ROBO2: variants seen among roughly 807,000 people sequenced by gnomAD.
ROBO2 encodes roundabout homolog 2.
Under a neutral mutation model 160.8 loss-of-function variants are expected in ROBO2, and 53 were observed. The observed-to-expected ratio is 0.33, with a 90% confidence interval of 0.26 to 0.41. The LOEUF (loss-of-function observed/expected upper bound fraction) is 0.41. Among genes scored for constraint, ROBO2 ranks in the 10% least tolerant of loss-of-function variants. The probability of loss-of-function intolerance (pLI) is 1.00; values close to 1 mark genes in which losing one functional copy is unlikely to be tolerated. For missense variants in ROBO2, 1,577 were observed against 1,722.4 expected (o/e 0.92, Z 1.49); for synonymous variants, 664 against 611.7 (o/e 1.09, Z -1.26).
chr3:76,451,922 A>G (rs1044527829), intron 2 of ROBO2, among the ~76,000 whole-genome samples: 1 of 152,090 alleles, frequency 6.6e-6, no homozygotes, highest in Non-Finnish European at 1.5e-5. Flanking sequence ...TTGTCTTGAA[A>G]ACTCATATCT....
rs1210868980 is a variant in ROBO2, at chr3:76,078,877, C to T, written c.109+141275C>T. On this transcript the variant is annotated intron_variant, in intron 2 of 26. Coordinates refer to the ROBO2 transcript ENST00000487694. ...ACAGTGTACAAGTGTCCCCCTTTCT[C>T]CACATTCTCATCAACATTCATTGTT... Among the ~76,000 whole-genome samples the T allele has an allele frequency of 1.3e-5, 2 of 152,162 alleles. 1 individual carries two copies. The highest frequency in any genetic ancestry group is 4.1e-4 in the South Asian group (2 of 4,830).
chr3:76,437,526 T>G (rs2076738288), intron 2 of ROBO2, among the ~76,000 whole-genome samples: 4 of 152,188 alleles, frequency 2.6e-5, no homozygotes, highest in African/African-American at 4.8e-5. Flanking sequence ...AAATGTCACA[T>G]GTGAATTTTA....
intron 2 of ROBO2, among the ~76,000 whole-genome samples, chr3:75,938,403 G>A (rs916620661): frequency 6.6e-6 from 1 of 151,936 alleles, no homozygotes; most frequent in African/African-American, 2.4e-5. Context: ...GATACAAATT[G>A]CATTTCCGTA....
At chr3:77,365,388 T>G (rs376572618) in intron 2 of ROBO2, among the ~76,000 whole-genome samples, 6 of 152,050 alleles carry the variant, frequency 3.9e-5, no homozygotes, top group Non-Finnish European at 8.8e-5. Context: ...TGACAGCTAT[T>G]TTTTTGGGAG....
At chr3:76,663,787 C>G (rs1288365243) in intron 2 of ROBO2, among the ~76,000 whole-genome samples, 1 of 151,940 alleles carries the variant, frequency 6.6e-6, no homozygotes, top group Non-Finnish European at 1.5e-5. Context: ...TAGTCTAATC[C>G]CAGCTACTCG....
chr3:75,909,953 C>T (rs1946497146), intron 1 of ROBO2, among the ~76,000 whole-genome samples: 1 of 152,150 alleles, frequency 6.6e-6, no homozygotes, highest in African/African-American at 2.4e-5. Flanking sequence ...ACCTAGTCAA[C>T]TTCTAGTTAT....
chr3:76,804,081 A>C (rs545511183), intron 2 of ROBO2, among the ~76,000 whole-genome samples: 2 of 152,186 alleles, frequency 1.3e-5, no homozygotes, highest in Non-Finnish European at 2.9e-5. Context: ...CTGAGTTCCT[A>C]TCTTGTGTGG....
At chr3:77,175,038 T>G (rs1174011788) in intron 2 of ROBO2, among the ~76,000 whole-genome samples, 1 of 152,200 alleles carries the variant, frequency 6.6e-6, no homozygotes, top group South Asian at 2.1e-4. Context: ...GCACATAATC[T>G]TCCTAACAGT....
rs191509298 is a variant in ROBO2, at chr3:76,446,379, C to T, written c.109+508777C>T. 2.6e-3 allele frequency among the ~76,000 whole-genome samples: 396 copies of T among 152,140 alleles called. 3 individuals carry two copies. Among genetic ancestry groups the T allele is most frequent in the Non-Finnish European group, 4.7e-3 (320 of 67,992 alleles). ...AGGAGAACTACAAATCACTGCTCAA[C>T]GAAATAGAAGAGGACACAAACAAGT... On this transcript the variant is annotated intron_variant, in intron 2 of 26. Coordinates refer to the ROBO2 transcript ENST00000487694.
At chr3:76,706,396 A>G (rs2093164071) in intron 2 of ROBO2, among the ~76,000 whole-genome samples, 1 of 152,058 alleles carries the variant, frequency 6.6e-6, no homozygotes. Context: ...GCCACCCAAA[A>G]TTCAAAAGTG....
chr3:76,931,099 A>T (rs939983563), intron 2 of ROBO2, among the ~76,000 whole-genome samples: 1 of 152,208 alleles, frequency 6.6e-6, no homozygotes, highest in Non-Finnish European at 1.5e-5. Context: ...AGGACTGTAT[A>T]AAGGAACAAA....
intron 2 of ROBO2, among the ~76,000 whole-genome samples, chr3:76,598,172 C>A (rs1435215961): frequency 1.3e-5 from 2 of 151,598 alleles, no homozygotes; most frequent in Non-Finnish European, 2.9e-5. Flanking sequence ...AAGGCGAGCC[C>A]AAAAGGTTAC....
chr3:76,580,005 G>C (rs895713986), intron 2 of ROBO2, among the ~76,000 whole-genome samples: 1 of 152,020 alleles, frequency 6.6e-6, no homozygotes, highest in African/African-American at 2.4e-5. Flanking sequence ...TATACTCTTT[G>C]CTAGAGGCCA....
At chr3:76,440,076 AC>A (rs2076854604) in intron 2 of ROBO2, among the ~76,000 whole-genome samples, 1 of 152,196 alleles carries the variant, frequency 6.6e-6, no homozygotes, top group Non-Finnish European at 1.5e-5. Flanking sequence ...ACTCTGAACT[AC>A]CATGGATGAA....
chr3:76,153,121 C>A (rs1222338221), intron 2 of ROBO2, among the ~76,000 whole-genome samples: 1 of 151,970 alleles, frequency 6.6e-6, no homozygotes, highest in African/African-American at 2.4e-5. Context: ...CCCATGAAAA[C>A]CTAATTCAAG....
At chr3:76,917,228 T>A (rs1395515317) in intron 2 of ROBO2, among the ~76,000 whole-genome samples, 8 of 152,142 alleles carry the variant, frequency 5.3e-5, no homozygotes, top group Non-Finnish European at 1.2e-4. Context: ...GAAGAAAGTC[T>A]GGTAGTCTGT....
chr3:77,636,749 C>T (rs933023417), intron 24 of ROBO2, among the ~76,000 whole-genome samples: 3 of 152,124 alleles, frequency 2.0e-5, no homozygotes, highest in Non-Finnish European at 4.4e-5. Context: ...ATATAGCATC[C>T]AACATTTGAA....
intron 21 of ROBO2, among the ~76,000 whole-genome samples, chr3:77,617,188 T>C (rs2094798830): frequency 6.6e-6 from 1 of 151,332 alleles, no homozygotes; most frequent in Admixed American, 6.6e-5. Context: ...ACTAAATTCA[T>C]TAATTGTCTT....
rs1190064381 is a variant in ROBO2, at chr3:76,321,497, AAAAAAC to A, written c.109+383898_109+383903del. On this transcript the variant is annotated intron_variant, in intron 2 of 26. Coordinates refer to the ROBO2 transcript ENST00000487694. Reference sequence around the variant, plus strand: ...TGGCAACAGAGCGAGGCTCCATCTCAAAAAACAACAACAACAACAACAACAACTATA... The same window carrying A: ...TGGCAACAGAGCGAGGCTCCATCTCAAACAACAACAACAACAACAACTATA... Among the ~76,000 whole-genome samples, 5 of 66,586 alleles carry A rather than the reference AAAAAAC, an allele frequency of 7.5e-5. No individual in the cohort carries two copies. The East Asian group carries it at 1.2e-3, about 16-fold the overall frequency. 43.7% of individuals were successfully genotyped at this position (66,586 alleles called of 152,430 possible).
Sources: gnomAD v4.1 joint callset for allele counts (sites outside exome capture counted in the v4.1 genomes callset) on GRCh38, gnomAD v4.1.1 for gene constraint, MANE v1.5 for transcripts, NCBI Gene and HGNC (gene_info 2026-07-23, HGNC 2026-07-21) for gene names.